The following ADGRL3 variants were observed in gnomAD, a reference collection of about 807,000 sequenced individuals.
ADGRL3 encodes the protein calcium-independent alpha-latrotoxin receptor 3.
A neutral mutation model predicts 153.5 loss-of-function variants in ADGRL3; 62 were observed. The observed-to-expected ratio is 0.40, with a 90% CI of 0.33 to 0.50. ADGRL3 has a LOEUF of 0.50. ADGRL3 is among the 20% of genes least tolerant of loss of function. The pLI is 0.47. For synonymous variants in ADGRL3, 710 were observed against 672.5 expected, an observed-to-expected ratio of 1.06 and a Z score of -0.86; for missense variants, 1,641 against 1,859.4, an observed-to-expected ratio of 0.88 and a Z score of 2.16.
intron 25 of ADGRL3, among the ~76,000 whole-genome samples, chr4:62,052,419 T>C (rs1025065691): frequency 1.3e-5 from 2 of 151,512 alleles, no homozygotes; most frequent in Non-Finnish European, 3.0e-5. Context: ...TATTTTGTTC[T>C]AAGCACAGTT....
At chr4:61,470,961 T>C (rs1309981421) in intron 2 of ADGRL3, among the ~76,000 whole-genome samples, 1 of 151,928 alleles carries the variant, frequency 6.6e-6, no homozygotes, top group African/African-American at 2.4e-5. Context: ...ACTGGAAACA[T>C]TGACAGTCAC....
rs1336397280 is a variant in ADGRL3 at position 61,202,521 on chromosome 4, G to A, written c.-240+756G>A. On this transcript the variant is annotated intron_variant, in intron 1 of 26. Transcript: ENST00000683033. The surrounding 1 kb of genome is among the most constrained non-coding windows in gnomAD (Gnocchi z 5.0). ...TAGTGGGCACTGGGCGGGGGGCGGC[G>A]GTGTTGCACGAATCCGGGCGGCCGC... is the stretch of plus-strand genomic sequence containing the variant. Among the ~76,000 whole-genome samples the A allele has an allele frequency of 2.0e-5, 3 of 152,162 alleles. No individual in the cohort carries two copies. The highest frequency in any genetic ancestry group is 4.4e-5 in the Non-Finnish European group (3 of 68,024).
intron 17 of ADGRL3, among the ~76,000 whole-genome samples, chr4:61,951,069 CTTAT>C (rs1323144572): frequency 1.3e-5 from 2 of 152,048 alleles, no homozygotes; most frequent in African/African-American, 2.4e-5. Context: ...TTTATTTTTA[CTTAT>C]TTATTTATTT....
intron 1 of ADGRL3, among the ~76,000 whole-genome samples, chr4:61,310,212 T>G (rs576075148): frequency 8.8e-4 from 134 of 151,900 alleles, no homozygotes; most frequent in African/African-American, 3.2e-3. Context: ...TTCCCCTAGC[T>G]GAAACCCAAT....
chr4:61,601,127 T>C (rs1026776293), intron 5 of ADGRL3, among the ~76,000 whole-genome samples: 6 of 152,178 alleles, frequency 3.9e-5, no homozygotes, highest in African/African-American at 1.4e-4. Flanking sequence ...ATGTTGTTAC[T>C]TTTTTACTTT....
chr4:61,798,619 T>C (rs1245449724), intron 8 of ADGRL3, among the ~76,000 whole-genome samples: 2 of 151,788 alleles, frequency 1.3e-5, no homozygotes, highest in Non-Finnish European at 2.9e-5. Flanking sequence ...TATTTATTTA[T>C]TTATTTATTT....
chr4:61,592,859 A>C (rs1436249012), intron 5 of ADGRL3, among the ~76,000 whole-genome samples: 2 of 152,172 alleles, frequency 1.3e-5, no homozygotes, highest in African/African-American at 4.8e-5. Flanking sequence ...TCCTTTGCCC[A>C]CAGGAACTAT....
At chr4:61,740,004 T>C (rs139451268) in intron 8 of ADGRL3, among the ~76,000 whole-genome samples, 1 of 152,226 alleles carries the variant, frequency 6.6e-6, no homozygotes, top group South Asian at 2.1e-4. Context: ...ATAATAGTTG[T>C]GTTCTCTTGA....
chr4:62,053,613 T>C (rs1178615994), intron 25 of ADGRL3, among the ~76,000 whole-genome samples: 1 of 151,448 alleles, frequency 6.6e-6, no homozygotes, highest in Non-Finnish European at 1.5e-5. Context: ...TTTAGAAAAA[T>C]AGAAACAATA....
At chr4:61,212,654 T>C (rs1740648360) in intron 1 of ADGRL3, among the ~76,000 whole-genome samples, 1 of 152,140 alleles carries the variant, frequency 6.6e-6, no homozygotes, top group African/African-American at 2.4e-5. Context: ...AAAAAGAAAG[T>C]TATGTTGAGT....
At chr4:61,463,701 A>C (rs993841170) in intron 2 of ADGRL3, among the ~76,000 whole-genome samples, 1 of 152,214 alleles carries the variant, frequency 6.6e-6, no homozygotes, top group Non-Finnish European at 1.5e-5. Context: ...AAATACAGGA[A>C]GATAATAAAT....
At chr4:61,903,225 G>T (rs1408396945) in intron 11 of ADGRL3, among the ~76,000 whole-genome samples, 1 of 152,026 alleles carries the variant, frequency 6.6e-6, no homozygotes, top group African/African-American at 2.4e-5. Flanking sequence ...CCCCTCAATA[G>T]CACCCATTAG....
At position 61,935,982 on chromosome 4, in the gene ADGRL3, A is replaced by C. The variant is rs1293536685; in HGVS notation, c.2356A>C (p.Asn786His). 1 of 1,607,396 alleles carries C rather than the reference A, an allele frequency of 6.2e-7. No homozygotes were observed. The highest frequency in any genetic ancestry group is 1.7e-5 in the Admixed American group (1 of 59,030). The change falls in exon 15 of 27, where the codon AAC (asparagine) becomes CAC (histidine). Residue 786 changes from asparagine (N) to histidine (H), a missense_variant. Asn to His is a moderately conservative substitution (Grantham distance 68, BLOSUM62 1). Around this residue, in one of 5 missense-constraint regions of ADGRL3, gnomAD observed 734 missense variants for 797.0 expected, o/e 0.92. Coordinates refer to ENST00000683033, the MANE Select transcript of ADGRL3 (RefSeq NM_001387552.1). The part of the protein sequence containing the change: ...GNLEDLKFPE[N>H]MGHGSTIQLS... Reference sequence around the variant, plus strand: ...CTTAGAAGACCTAAAATTTCCAGAAAACATGGGCCATGGAAGCACTATCCA... The same window carrying C: ...CTTAGAAGACCTAAAATTTCCAGAACACATGGGCCATGGAAGCACTATCCA...
At chr4:61,800,590 T>A (rs2097482369) in intron 8 of ADGRL3, among the ~76,000 whole-genome samples, 1 of 152,200 alleles carries the variant, frequency 6.6e-6, no homozygotes, top group Non-Finnish European at 1.5e-5. Context: ...AAAGTTGATG[T>A]CTGGCGAGTT....
At position 61,392,995 on chromosome 4, in the gene ADGRL3, A is replaced by G. The variant is rs185104122; in HGVS notation, c.-174+9806A>G. Among the ~76,000 whole-genome samples, 138 of 152,084 alleles carry G rather than the reference A, an allele frequency of 9.1e-4. 1 individual carries two copies. Among genetic ancestry groups the G allele is most frequent in the African/African-American group, 3.0e-3 (126 of 41,486 alleles). ...TCTAAGAGCCGCTGAGTTATACACA[A>G]TTTTCGAATGTGGTTCCTATTAGGA... On this transcript the variant is annotated intron_variant, in intron 2 of 26. Coordinates refer to ENST00000683033, the MANE Select transcript of ADGRL3 (RefSeq NM_001387552.1).
At chr4:61,382,269 A>G (rs2096678610) in intron 1 of ADGRL3, among the ~76,000 whole-genome samples, 1 of 151,338 alleles carries the variant, frequency 6.6e-6, no homozygotes, top group Non-Finnish European at 1.5e-5. Flanking sequence ...ATAATAATTA[A>G]CTAATACAAA....
intron 1 of ADGRL3, among the ~76,000 whole-genome samples, chr4:61,339,058 A>G (rs926132866): frequency 6.6e-6 from 1 of 152,128 alleles, no homozygotes; most frequent in Non-Finnish European, 1.5e-5. Flanking sequence ...CCCCTCATAG[A>G]CCACTAATAG....
At chr4:61,786,871 T>C (rs1341230639) in intron 8 of ADGRL3, among the ~76,000 whole-genome samples, 1 of 152,072 alleles carries the variant, frequency 6.6e-6, no homozygotes, top group East Asian at 1.9e-4. Context: ...CATTTTATAG[T>C]GGCAATAAAA....
chr4:61,242,823 A>G (rs1401708114), intron 1 of ADGRL3, among the ~76,000 whole-genome samples: 1 of 152,106 alleles, frequency 6.6e-6, no homozygotes, highest in Non-Finnish European at 1.5e-5. Flanking sequence ...TTCACAATAA[A>G]CATTATTTAA....
Sources: allele counts gnomAD v4.1 joint callset (sites outside exome capture counted in the v4.1 genomes callset), GRCh38; gene constraint gnomAD v4.1.1; regional missense constraint gnomAD v4.1.1; non-coding constraint Gnocchi (gnomAD v3.1); transcripts MANE v1.5; gene names NCBI Gene and HGNC (gene_info 2026-07-23, HGNC 2026-07-21).